The following LRP1B variants were observed in gnomAD, a reference collection of about 807,000 sequenced individuals.
LRP1B encodes low-density lipoprotein receptor-related protein 1B.
Under a neutral mutation model 556.6 loss-of-function variants are expected in LRP1B, and 217 were observed. The observed-to-expected ratio is 0.39, with a 90% confidence interval of 0.35 to 0.44. The LOEUF (loss-of-function observed/expected upper bound fraction) is 0.44. LRP1B is among the 20% of genes least tolerant of loss of function. LRP1B has a pLI of 1.00. For synonymous variants in LRP1B, 2,047 were observed against 1,865.8 expected (o/e 1.10, Z -2.50); for missense variants, 5,053 against 5,620.8 (o/e 0.90, Z 3.23).
intron 3 of LRP1B, among the ~76,000 whole-genome samples, chr2:141,397,405 T>C (rs979737233): frequency 6.6e-6 from 1 of 151,680 alleles, no homozygotes; most frequent in African/African-American, 2.4e-5. Flanking sequence ...TATCCACCCT[T>C]AATACCAAAA....
intron 41 of LRP1B, among the ~76,000 whole-genome samples, chr2:140,659,343 G>A (rs756666338): frequency 2.0e-5 from 3 of 151,842 alleles, no homozygotes; most frequent in East Asian, 1.9e-4. Flanking sequence ...GTACATAAGC[G>A]TTGTAACTTT....
intron 7 of LRP1B, among the ~76,000 whole-genome samples, chr2:141,098,753 G>A (rs1464676821): frequency 6.6e-6 from 1 of 152,186 alleles, no homozygotes; most frequent in Non-Finnish European, 1.5e-5. Context: ...TGCCTCCCAG[G>A]TTCAAGTGAT....
chr2:141,507,133 T>C (rs1175149070), intron 2 of LRP1B, among the ~76,000 whole-genome samples: 1 of 152,188 alleles, frequency 6.6e-6, no homozygotes, highest in African/African-American at 2.4e-5. Context: ...AAATAATTTA[T>C]TCATGCAGAA....
intron 72 of LRP1B, among the ~76,000 whole-genome samples, chr2:140,361,362 A>ACG (rs1397354869): frequency 7.7e-6 from 1 of 130,108 alleles, no homozygotes; most frequent in African/African-American, 2.8e-5. Flanking sequence ...ATATATATAT[A>ACG]TATATATATA....
chr2:141,113,189 A>C (rs2104972612), intron 7 of LRP1B, among the ~76,000 whole-genome samples: 1 of 152,312 alleles, frequency 6.6e-6, no homozygotes, highest in Middle Eastern at 3.4e-3. Context: ...CTTTTCAAAA[A>C]TAGGAAGCAA....
At chr2:140,295,346 A>G (rs1683556799) in intron 84 of LRP1B, among the ~76,000 whole-genome samples, 1 of 152,200 alleles carries the variant, frequency 6.6e-6, no homozygotes, top group Non-Finnish European at 1.5e-5. Flanking sequence ...GGCTAGCCTA[A>G]TATGATAAGA....
At chr2:140,984,108 A>C (rs1480612986) in intron 17 of LRP1B, among the ~76,000 whole-genome samples, 1 of 151,956 alleles carries the variant, frequency 6.6e-6, no homozygotes, top group Admixed American at 6.6e-5. Context: ...CACAAAATCT[A>C]ATGTCATTAG....
chr2:142,106,376 T>C (rs2104979093), intron 1 of LRP1B, among the ~76,000 whole-genome samples: 1 of 152,308 alleles, frequency 6.6e-6, no homozygotes, highest in East Asian at 1.9e-4. Context: ...TTCATTATCT[T>C]ATTCAATTTT....
At chr2:141,725,364 CCAAGTAGTAAT>C (rs1194729732) in intron 2 of LRP1B, among the ~76,000 whole-genome samples, 1 of 151,726 alleles carries the variant, frequency 6.6e-6, no homozygotes, top group Non-Finnish European at 1.5e-5. Context: ...AATAATTTGT[CCAAGTAGTAAT>C]CAAGTGTTAT....
chr2:141,522,698 G>A (rs1428506913), intron 2 of LRP1B, among the ~76,000 whole-genome samples: 1 of 152,112 alleles, frequency 6.6e-6, no homozygotes, highest in African/African-American at 2.4e-5. Flanking sequence ...TCACCATGAG[G>A]CCATGTGTGG....
At chr2:140,301,081 G>A (rs1369006062) in intron 83 of LRP1B, among the ~76,000 whole-genome samples, 1 of 151,816 alleles carries the variant, frequency 6.6e-6, no homozygotes, top group East Asian at 1.9e-4. Context: ...GGTAGTGATG[G>A]GCTAGAGCTG....
chr2:141,944,811 T>A (rs1293128439), intron 1 of LRP1B, among the ~76,000 whole-genome samples: 1 of 152,192 alleles, frequency 6.6e-6, no homozygotes, highest in East Asian at 1.9e-4. Context: ...GGTTTTGAAT[T>A]CTGAGATATC....
intron 2 of LRP1B, among the ~76,000 whole-genome samples, chr2:141,662,667 G>A (rs745604159): frequency 4.6e-5 from 7 of 152,050 alleles, no homozygotes; most frequent in East Asian, 1.9e-4. Flanking sequence ...CAGGAGCACC[G>A]AGATTCATAA....
At chr2:140,994,705 CATT>C (rs920394470) in intron 15 of LRP1B, among the ~76,000 whole-genome samples, 1 of 151,850 alleles carries the variant, frequency 6.6e-6, no homozygotes, top group Non-Finnish European at 1.5e-5. Context: ...TATATTAAAA[CATT>C]ATGTTGTACA....
At chr2:141,321,377 A>C (rs560997841) in intron 3 of LRP1B, among the ~76,000 whole-genome samples, 1 of 152,234 alleles carries the variant, frequency 6.6e-6, no homozygotes, top group East Asian at 1.9e-4. Context: ...GCTTTTCTAC[A>C]TTTTATAGTT....
intron 2 of LRP1B, among the ~76,000 whole-genome samples, chr2:141,544,331 C>CTTCTTCTTCTTCTTCTTCTTCTT (rs1559131094): frequency 1.3e-3 from 37 of 29,518 alleles, no homozygotes; most frequent in South Asian, 2.5e-3. Context: ...TCTTCTTCTT[C>CTTCTTCTTCTTCTTCTTCTTCTT]TTCTTCTTCT....
chr2:140,471,798 G>A (rs1687780578), intron 60 of LRP1B, among the ~76,000 whole-genome samples: 1 of 152,106 alleles, frequency 6.6e-6, no homozygotes, highest in African/African-American at 2.4e-5. Flanking sequence ...TAGCATACAA[G>A]GCTTGTGACA....
intron 3 of LRP1B, among the ~76,000 whole-genome samples, chr2:141,467,914 C>T (rs114324661): frequency 1.3e-5 from 2 of 151,416 alleles, no homozygotes; most frequent in African/African-American, 4.9e-5. Flanking sequence ...AATCCCTACA[C>T]CTTTACACTC....
intron 41 of LRP1B, among the ~76,000 whole-genome samples, chr2:140,625,288 A>C (rs1414626762): frequency 2.0e-5 from 3 of 152,232 alleles, no homozygotes; most frequent in African/African-American, 7.2e-5. Flanking sequence ...ATCTAGATAA[A>C]ATGTAAACAA....
Sources: gnomAD v4.1 joint callset for allele counts (sites outside exome capture counted in the v4.1 genomes callset) on GRCh38, gnomAD v4.1.1 for gene constraint, MANE v1.5 for transcripts, NCBI Gene and HGNC (gene_info 2026-07-23, HGNC 2026-07-21) for gene names.